Variants in ZNF362 observed in about 807,000 individuals in gnomAD.
The protein encoded by ZNF362 is rotund homolog.
A neutral mutation model predicts 42.9 loss-of-function variants in ZNF362; 11 were observed. That is an observed-to-expected ratio of 0.26 (90% confidence interval 0.16 to 0.42). ZNF362 has a LOEUF of 0.42. Ranked by LOEUF, ZNF362 falls within the 20% of genes least tolerant of loss-of-function variation. The probability of loss-of-function intolerance (pLI) is 1.00; values close to 1 mark genes in which losing one functional copy is unlikely to be tolerated. For synonymous variants in ZNF362, 255 were observed against 257.3 expected, an observed-to-expected ratio of 0.99 and a Z score of 0.09; for missense variants, 362 against 576.2, an observed-to-expected ratio of 0.63 and a Z score of 3.81.
chr1:33,219,805 G>A, the ZNF362 span, among the ~76,000 whole-genome samples: 1 of 152,046 alleles, frequency 6.6e-6, no homozygotes, highest in Non-Finnish European at 1.5e-5. Context: ...GAAAAACCTG[G>A]GTCTATCCCT....
chr1:33,250,598 G>C, the ZNF362 span, among the ~76,000 whole-genome samples: 1 of 152,100 alleles, frequency 6.6e-6, no homozygotes, highest in East Asian at 1.9e-4. Context: ...GGGAGCAGGG[G>C]GAGGGAGAGC....
chr1:33,141,080 GTC>G, the ZNF362 span, among the ~76,000 whole-genome samples: 1 of 152,076 alleles, frequency 6.6e-6, no homozygotes, highest in African/African-American at 2.4e-5. Flanking sequence ...GAGATCAGGG[GTC>G]TCTCATCAGC....
intron 4 of ZNF362, 141 bp from the exon 5 acceptor site, chr1:33,279,983 A>G (rs1321044536): frequency 3.3e-6 from 3 of 922,746 alleles, no homozygotes; most frequent in African/African-American, 3.3e-5. Context: ...CACATGCACA[A>G]GGTCTCATTT....
chr1:33,165,687 C>T, the ZNF362 span: 2 of 762,800 alleles, frequency 2.6e-6, no homozygotes, highest in Non-Finnish European at 3.9e-6. The surrounding 1 kb of genome is among the most constrained non-coding windows in gnomAD (Gnocchi z 4.0). Flanking sequence ...CAACACTTGC[C>T]TCCCGTCACA....
the ZNF362 span, chr1:33,180,896 T>C: frequency 0.77 from 283,519 of 368,452 alleles, 109,539 homozygotes; most frequent in African/African-American, 0.87. Context: ...GGCCCTGACC[T>C]TGCTGGCGGC....
the ZNF362 span, among the ~76,000 whole-genome samples, chr1:33,133,981 C>G: frequency 1.3e-5 from 2 of 152,194 alleles, no homozygotes; most frequent in African/African-American, 4.8e-5. Flanking sequence ...CTGCTGTTAC[C>G]ACTTACCAGC....
At chr1:33,279,776 T>C (rs1015324839) in intron 4 of ZNF362, among the ~76,000 whole-genome samples, 2 of 152,170 alleles carry the variant, frequency 1.3e-5, no homozygotes, top group Admixed American at 6.5e-5. Context: ...CAATGGGCAG[T>C]TCAGTAGAGG....
At chr1:33,159,666 G>A in the ZNF362 span, 1 of 1,590,590 alleles carries the variant, frequency 6.3e-7, no homozygotes, top group Non-Finnish European at 8.6e-7. This position sits in a 1 kb window ranked among gnomAD's most constrained non-coding sequence, Gnocchi z 4.2. Flanking sequence ...AGCCGGGGAG[G>A]GCCCCGGCGG....
the ZNF362 span, among the ~76,000 whole-genome samples, chr1:33,176,961 TC>T: frequency 6.6e-6 from 1 of 152,152 alleles, no homozygotes; most frequent in African/African-American, 2.4e-5. Context: ...GGAAATGGGC[TC>T]CTTCCCTCCA....
chr1:33,181,454 G>T, the ZNF362 span: 2 of 1,568,488 alleles, frequency 1.3e-6, no homozygotes, highest in East Asian at 4.6e-5. This position sits in a 1 kb window ranked among gnomAD's most constrained non-coding sequence, Gnocchi z 6.5. Flanking sequence ...CAGCAGAGAG[G>T]GGGGCCCGAG....
chr1:33,191,948 G>C, the ZNF362 span, among the ~76,000 whole-genome samples: 1 of 152,168 alleles, frequency 6.6e-6, no homozygotes, highest in Non-Finnish European at 1.5e-5. Flanking sequence ...CCTTAGGGGA[G>C]GCCTCTGCAT....
At chr1:33,196,766 G>A in the ZNF362 span, among the ~76,000 whole-genome samples, 1 of 152,134 alleles carries the variant, frequency 6.6e-6, no homozygotes, top group African/African-American at 2.4e-5. Context: ...TTATATGACT[G>A]GCAGTGCAGT....
the ZNF362 span, among the ~76,000 whole-genome samples, chr1:33,236,550 A>AAAAAATAT: frequency 3.4e-4 from 2 of 5,970 alleles, no homozygotes; most frequent in African/African-American, 7.8e-4. Flanking sequence ...AAAAAAAAAA[A>AAAAAATAT]ATATATATAT....
chr1:33,210,956 CAG>C, the ZNF362 span, among the ~76,000 whole-genome samples: 1 of 147,166 alleles, frequency 6.8e-6, no homozygotes, highest in Non-Finnish European at 1.5e-5. Flanking sequence ...TTTTTTGAGA[CAG>C]AGACTCACTC....
upstream of ZNF362, among the ~76,000 whole-genome samples, chr1:33,251,546 A>T (rs1368881883): frequency 1.3e-5 from 2 of 152,116 alleles, no homozygotes; most frequent in African/African-American, 4.8e-5. Context: ...ACTCTGCCAT[A>T]TCACATCTCT....
chr1:33,180,033 G>C, the ZNF362 span, among the ~76,000 whole-genome samples: 34 of 139,824 alleles, frequency 2.4e-4, 1 homozygote, highest in African/African-American at 7.5e-4. Context: ...CTTGGAGAAG[G>C]CTTCACGGAG....
At chr1:33,239,686 C>A in the ZNF362 span, among the ~76,000 whole-genome samples, 1 of 152,118 alleles carries the variant, frequency 6.6e-6, no homozygotes. Context: ...CTTACTATCA[C>A]GAGAACAGCA....
chr1:33,189,594 G>A, the ZNF362 span, among the ~76,000 whole-genome samples: 5 of 144,404 alleles, frequency 3.5e-5, no homozygotes, highest in Non-Finnish European at 6.0e-5. Context: ...GTATCAACTT[G>A]TGTAGTGCTG....
intron 1 of ZNF362, among the ~76,000 whole-genome samples, chr1:33,263,435 G>A (rs191223833): frequency 2.0e-5 from 3 of 151,162 alleles, no homozygotes; most frequent in South Asian, 4.2e-4. Context: ...TTTTGAGATG[G>A]AGTCTCGCTC....
Sources: allele counts gnomAD v4.1 joint callset (sites outside exome capture counted in the v4.1 genomes callset), GRCh38; gene constraint gnomAD v4.1.1; non-coding constraint Gnocchi (gnomAD v3.1); transcripts MANE v1.5; gene names NCBI Gene and HGNC (gene_info 2026-07-23, HGNC 2026-07-21).